FOXK2: variants seen among roughly 807,000 people sequenced by gnomAD.
FOXK2 encodes forkhead box protein K2.
In FOXK2, 24 loss-of-function variants were observed where a neutral mutation model predicts 53.3. That is an observed-to-expected ratio of 0.45 (90% CI 0.33 to 0.63). FOXK2 has a LOEUF of 0.63. Ranked by LOEUF, FOXK2 falls within the 30% of genes least tolerant of loss-of-function variation. FOXK2 has a pLI of 0.03. For missense variants in FOXK2, 952 were observed against 910.5 expected, an observed-to-expected ratio of 1.05 and a Z score of -0.59; for synonymous variants, 505 against 407.1, an observed-to-expected ratio of 1.24 and a Z score of -2.89.
At chr17:82,539,039 G>A (rs2144068022) in intron 1 of FOXK2, among the ~76,000 whole-genome samples, 4 of 152,364 alleles carry the variant, frequency 2.6e-5, no homozygotes, top group Admixed American at 2.6e-4. Flanking sequence ...AGAAAATGTG[G>A]TATGAGAATG....
At chr17:82,559,662 A>ACCACCCC in intron 1 of FOXK2, among the ~76,000 whole-genome samples, 1 of 148,678 alleles carries the variant, frequency 6.7e-6, no homozygotes, top group Non-Finnish European at 1.5e-5. Flanking sequence ...GTACACACAC[A>ACCACCCC]CCACCCCCCA....
At chr17:82,571,678 A>T in intron 3 of FOXK2, 46 bp from the exon 4 acceptor site, 1 of 1,457,272 alleles carries the variant, frequency 6.9e-7, no homozygotes, top group Non-Finnish European at 9.1e-7. Context: ...TTAATACAAA[A>T]TATGGTAACT....
chr17:82,582,682 C>G, intron 4 of FOXK2, 59 bp from the exon 5 acceptor site: 1 of 1,405,914 alleles, frequency 7.1e-7, no homozygotes, highest in Non-Finnish European at 9.6e-7. Context: ...AACGAGGACA[C>G]ATTTTTATTT....
rs575168288 is a variant in FOXK2 at position 82,573,189 on chromosome 17, T to G, written c.909+1319T>G. 6.6e-5 allele frequency among the ~76,000 whole-genome samples: 10 copies of G among 151,932 alleles called. No homozygotes were observed. In the South Asian group the frequency reaches 1.0e-3, roughly 16 times the overall value. ...GCCTGGGTGACAGAGCAAGACCCTG[T>G]CTCAAAAAGGAAAAAAAAAGCCTAC... On this transcript the variant is annotated intron_variant, in intron 4 of 8. Transcript: ENST00000335255.
At chr17:82,545,348 G>C (rs1320158649) in intron 1 of FOXK2, among the ~76,000 whole-genome samples, 1 of 152,180 alleles carries the variant, frequency 6.6e-6, no homozygotes, top group Non-Finnish European at 1.5e-5. Context: ...ATTGTACAGA[G>C]TCCTTTGTAG....
intron 8 of FOXK2, 40 bp from the exon 9 acceptor site, chr17:82,601,263 C>T (rs753108124): frequency 1.9e-5 from 30 of 1,588,292 alleles, no homozygotes; most frequent in Middle Eastern, 2.3e-4. Context: ...CGAGGGTTCA[C>T]GTGAGAGCGT....
At chr17:82,571,461 C>T (rs1045956522) in intron 3 of FOXK2, among the ~76,000 whole-genome samples, 12 of 151,952 alleles carry the variant, frequency 7.9e-5, no homozygotes, top group African/African-American at 2.2e-4. Flanking sequence ...ATTAGCCGGG[C>T]GCGGTGGCAG....
At chr17:82,594,952 A>C (rs563375737) in intron 8 of FOXK2, among the ~76,000 whole-genome samples, 1 of 152,180 alleles carries the variant, frequency 6.6e-6, no homozygotes, top group Admixed American at 6.5e-5. Flanking sequence ...AGGCAGGGAG[A>C]TCGTTTGAGC....
At chr17:82,584,247 G>A in intron 6 of FOXK2, 59 bp downstream of exon 6, 1 of 1,472,678 alleles carries the variant, frequency 6.8e-7, no homozygotes, top group Non-Finnish European at 9.0e-7. Flanking sequence ...GCGGACGCCT[G>A]GGCTCCACAG....
chr17:82,555,983 A>T (rs2044720986), intron 1 of FOXK2, among the ~76,000 whole-genome samples: 1 of 150,498 alleles, frequency 6.6e-6, no homozygotes, highest in African/African-American at 2.4e-5. Flanking sequence ...CTGTCATATG[A>T]TCCACATTTT....
chr17:82,540,104 A>G (rs570655469), intron 1 of FOXK2, among the ~76,000 whole-genome samples: 1 of 152,308 alleles, frequency 6.6e-6, no homozygotes, highest in East Asian at 1.9e-4. Flanking sequence ...AATATGGTGA[A>G]AACCTGTCTC....
At chr17:82,575,047 A>C (rs1173307054) in intron 4 of FOXK2, among the ~76,000 whole-genome samples, 1 of 152,254 alleles carries the variant, frequency 6.6e-6, no homozygotes, top group Non-Finnish European at 1.5e-5. Context: ...TATTTTTACT[A>C]TTAAACAAAT....
intron 1 of FOXK2, among the ~76,000 whole-genome samples, chr17:82,542,083 G>A (rs1011691871): frequency 1.3e-5 from 2 of 151,146 alleles, no homozygotes; most frequent in African/African-American, 2.4e-5. Context: ...GTTTCGCCAC[G>A]TTGGCCAGTG....
At chr17:82,571,036 T>G (rs923981090) in intron 3 of FOXK2, among the ~76,000 whole-genome samples, 1 of 152,084 alleles carries the variant, frequency 6.6e-6, no homozygotes, top group African/African-American at 2.4e-5. Context: ...TGGGCAGCCC[T>G]GGCCACCCCT....
intron 2 of FOXK2, 142 bp from the exon 3 acceptor site, chr17:82,567,912 C>A: frequency 4.4e-6 from 3 of 675,498 alleles, no homozygotes; most frequent in Non-Finnish European, 6.8e-6. Context: ...ATAGGAAATG[C>A]TGATATTCTC....
At chr17:82,578,119 C>G (rs2045011532) in intron 4 of FOXK2, 1 of 152,350 alleles carries the variant, frequency 6.6e-6, no homozygotes, top group African/African-American at 2.4e-5. Flanking sequence ...GACATTAGAC[C>G]CATCCTCTGA....
chr17:82,531,791 A>G lies in FOXK2; in HGVS notation c.419+11484A>G, dbSNP rs144356033. On this transcript the variant is annotated intron_variant, in intron 1 of 8. Coordinates refer to ENST00000335255, the MANE Select transcript of FOXK2 (RefSeq NM_004514.4). Reference sequence around the variant, plus strand: ...AAATGGTGAGTGAATGTGAAGGCCTAGGACGTGACTGTACACCGCTGTCAA... The same window carrying G: ...AAATGGTGAGTGAATGTGAAGGCCTGGGACGTGACTGTACACCGCTGTCAA... Among the ~76,000 whole-genome samples, 688 of 152,328 alleles carry G rather than the reference A, an allele frequency of 4.5e-3. 11 individuals are homozygous for G. The highest frequency in any genetic ancestry group is 0.034 in the Admixed American group (514 of 15,288).
At chr17:82,598,935 C>T (rs1456843571) in intron 8 of FOXK2, 2 of 152,156 alleles carry the variant, frequency 1.3e-5, no homozygotes, top group Non-Finnish European at 2.9e-5. Context: ...GAGAGGGTGC[C>T]GACCTAACAC....
chr17:82,528,732 C>A (rs2044443317), intron 1 of FOXK2, among the ~76,000 whole-genome samples: 1 of 152,204 alleles, frequency 6.6e-6, no homozygotes, highest in African/African-American at 2.4e-5. Flanking sequence ...GTTTAGAGTG[C>A]ACATTGGGCT....
Sources: allele counts gnomAD v4.1 joint callset (sites outside exome capture counted in the v4.1 genomes callset), GRCh38; gene constraint gnomAD v4.1.1; transcripts MANE v1.5; gene names NCBI Gene and HGNC (gene_info 2026-07-23, HGNC 2026-07-21).